The following IL16 variants were observed in gnomAD, a reference collection of about 807,000 sequenced individuals.
IL16 encodes the protein interleukin 16, also known as pro-interleukin-16.
IL16 carries 67 observed loss-of-function variants against 110.1 expected under a neutral mutation model. That is an observed-to-expected ratio of 0.61 (90% confidence interval 0.50 to 0.75). The LOEUF (loss-of-function observed/expected upper bound fraction) is 0.75. Ranked by LOEUF, IL16 falls within the 30% of genes least tolerant of loss-of-function variation. IL16 has a pLI of 0.00. For synonymous variants in IL16, 689 were observed against 662.9 expected (o/e 1.04, Z -0.61); for missense variants, 1,545 against 1,655.0 (o/e 0.93, Z 1.15).
intron 1 of IL16, among the ~76,000 whole-genome samples, chr15:81,200,489 C>T (rs1361833146): frequency 6.6e-6 from 1 of 152,150 alleles, no homozygotes; most frequent in Non-Finnish European, 1.5e-5. Context: ...CCCCCTTCAG[C>T]CTCCCGAGTA....
intron 3 of IL16, among the ~76,000 whole-genome samples, chr15:81,262,394 T>C (rs1898193206): frequency 6.6e-6 from 1 of 152,254 alleles, no homozygotes; most frequent in Admixed American, 6.5e-5. Context: ...TATATACTTC[T>C]AATTTGTAAA....
chr15:81,279,672 A>G lies in IL16; in HGVS notation c.979A>G (p.Ile327Val), dbSNP rs750206291. 1 of 1,614,240 alleles carries G rather than the reference A, an allele frequency of 6.2e-7. No individual in the cohort carries two copies. The highest frequency in any genetic ancestry group is 1.7e-5 in the Admixed American group (1 of 60,030). Reference sequence around the variant, plus strand: ...CCGCTCCCTGAGCTCCAGCACTTGTATCACCAAGGACAGCAGCTCCTTCGC... The same window carrying G: ...CCGCTCCCTGAGCTCCAGCACTTGTGTCACCAAGGACAGCAGCTCCTTCGC... ...LCRSLSSSTC[I>V]TKDSSSFALE... Residue 327 changes from isoleucine to valine, a missense_variant, in exon 8 of 19, where the codon ATC (isoleucine) becomes GTC (valine). Coordinates refer to ENST00000683961, the MANE Select transcript of IL16 (RefSeq NM_172217.5).
rs201484678 is a variant in IL16, at chr15:81,197,055, A to T, written c.-199A>T. 1 of 1,288,470 alleles carries T rather than the reference A, an allele frequency of 7.8e-7. No individual in the cohort carries two copies. Among genetic ancestry groups the T allele is most frequent in the East Asian group, 5.6e-5 (1 of 17,990 alleles). The allele number at this position is 1,288,470 out of a possible 1,614,324, so 79.8% of individuals were successfully genotyped here. A position where few individuals can be genotyped will look rare whatever the true frequency, so the allele number is the denominator to read the frequency against. On this transcript the variant is annotated 5_prime_UTR_variant, in exon 1 of 19. Coordinates refer to ENST00000683961, the MANE Select transcript of IL16 (RefSeq NM_172217.5). ...AGGCCTGGGCCACAGGCTGTCCGGG[A>T]ATAAGTGGTGCTGCAATCCCTGCTG...
intron 2 of IL16, among the ~76,000 whole-genome samples, chr15:81,251,987 C>G (rs1897784419): frequency 2.0e-5 from 3 of 152,148 alleles, no homozygotes; most frequent in African/African-American, 7.2e-5. Flanking sequence ...CTGGTCCTAT[C>G]AGGTTTGAAA....
intron 2 of IL16, among the ~76,000 whole-genome samples, chr15:81,247,827 AT>A (rs991560481): frequency 2.0e-5 from 3 of 152,198 alleles, no homozygotes; most frequent in Middle Eastern, 3.4e-3. Context: ...CCCAGTTAAC[AT>A]TTTTAAGTGC....
intron 2 of IL16, among the ~76,000 whole-genome samples, chr15:81,253,753 A>G (rs1034602468): frequency 1.3e-5 from 2 of 152,202 alleles, no homozygotes; most frequent in Non-Finnish European, 2.9e-5. Context: ...AGGGCATTGT[A>G]TTAATAATAG....
At chr15:81,235,597 C>T (rs1897154043) in intron 2 of IL16, among the ~76,000 whole-genome samples, 1 of 152,136 alleles carries the variant, frequency 6.6e-6, no homozygotes, top group Non-Finnish European at 1.5e-5. Context: ...GTATCAGGGG[C>T]ACAAGCTCTC....
intron 1 of IL16, among the ~76,000 whole-genome samples, chr15:81,203,146 T>C: frequency 6.7e-6 from 1 of 149,576 alleles, no homozygotes; most frequent in East Asian, 2.0e-4. Flanking sequence ...TCTGTTCATA[T>C]CCTTCACCCA....
chr15:81,295,372 G>C lies in IL16; in HGVS notation c.1903-1556G>C, dbSNP rs537731108. The C allele has an allele frequency of 4.4e-4, 544 of 1,246,608 alleles. 2 individuals are homozygous for C. The highest frequency in any genetic ancestry group is 3.1e-3 in the Middle Eastern group (14 of 4,538). 77.2% of individuals were successfully genotyped at this position (1,246,608 alleles called of 1,614,324 possible). On this transcript the variant is annotated intron_variant, in intron 12 of 18. Coordinates refer to ENST00000683961, the MANE Select transcript of IL16 (RefSeq NM_172217.5). ...TCTCCCATGAAGAGGATGCAATATT[G>C]GATGTGTTGATGAAAAGACAAAACA...
chr15:81,235,404 A>G (rs1897146580), intron 2 of IL16, among the ~76,000 whole-genome samples: 1 of 152,154 alleles, frequency 6.6e-6, no homozygotes, highest in South Asian at 2.1e-4. Flanking sequence ...CAAGAGAGAG[A>G]GAGGAGATCC....
At chr15:81,254,060 A>G (rs1322787824) in intron 2 of IL16, among the ~76,000 whole-genome samples, 2 of 152,164 alleles carry the variant, frequency 1.3e-5, no homozygotes, top group Non-Finnish European at 1.5e-5. Context: ...CAATTCAACC[A>G]CAGGAAATAA....
At chr15:81,248,614 T>G (rs566890669) in intron 2 of IL16, among the ~76,000 whole-genome samples, 6 of 150,642 alleles carry the variant, frequency 4.0e-5, no homozygotes, top group Non-Finnish European at 7.4e-5. Context: ...CCCTGTTTTA[T>G]TCTCTGCTTT....
At chr15:81,214,174 T>TC (rs566316088) in intron 1 of IL16, among the ~76,000 whole-genome samples, 82 of 152,368 alleles carry the variant, frequency 5.4e-4, no homozygotes, top group African/African-American at 1.8e-3. Flanking sequence ...ATTTTAGCTT[T>TC]CTTTCACTTA....
At chr15:81,201,664 A>ATT (rs1895818832) in intron 1 of IL16, among the ~76,000 whole-genome samples, 1 of 152,102 alleles carries the variant, frequency 6.6e-6, no homozygotes, top group Non-Finnish European at 1.5e-5. Context: ...AATTTATTAT[A>ATT]TTGCCACTTT....
At chr15:81,185,086 G>A (rs1405304001) in intron 1 of IL16, among the ~76,000 whole-genome samples, 1 of 152,160 alleles carries the variant, frequency 6.6e-6, no homozygotes, top group African/African-American at 2.4e-5. Flanking sequence ...GCATAGGGCT[G>A]GAGGGTGGGG....
At chr15:81,298,212 G>A (rs1165903560) in intron 13 of IL16, among the ~76,000 whole-genome samples, 1 of 152,218 alleles carries the variant, frequency 6.6e-6, no homozygotes. Flanking sequence ...CAGTCTCTTA[G>A]ATTGTGCAGA....
In IL16 at chr15:81,252,350, T is replaced by C. The variant is rs116236455; in HGVS notation, c.313-7422T>C. 7.2e-3 allele frequency among the ~76,000 whole-genome samples: 1,094 copies of C among 152,310 alleles called. 18 individuals carry two copies. The highest frequency in any genetic ancestry group is 0.025 in the African/African-American group (1,020 of 41,570). Reference sequence around the variant, plus strand: ...CATTAGTTTTAATCAGAAAGTTTCATGGGTAGCATTTGCATTTTTATAAAA... The same window carrying C: ...CATTAGTTTTAATCAGAAAGTTTCACGGGTAGCATTTGCATTTTTATAAAA... On this transcript the variant is annotated intron_variant, in intron 2 of 18. Transcript: ENST00000683961.
chr15:81,255,756 T>G (rs1897922571), intron 2 of IL16, among the ~76,000 whole-genome samples: 2 of 142,432 alleles, frequency 1.4e-5, no homozygotes, highest in African/African-American at 5.0e-5. Context: ...ATTAAGTATT[T>G]ACAGCTAATC....
At chr15:81,267,501 C>CAT (rs1898443322) in intron 4 of IL16, among the ~76,000 whole-genome samples, 4 of 151,310 alleles carry the variant, frequency 2.6e-5, no homozygotes, top group South Asian at 2.1e-4. Context: ...CACACACACA[C>CAT]ACACAGAGAG....
Sources: allele counts gnomAD v4.1 joint callset (sites outside exome capture counted in the v4.1 genomes callset), GRCh38; gene constraint gnomAD v4.1.1; transcripts MANE v1.5; gene names NCBI Gene and HGNC (gene_info 2026-07-23, HGNC 2026-07-21).